The following CTDP1 variants were observed in gnomAD, a reference collection of about 807,000 sequenced individuals.
CTDP1 encodes the protein RNA polymerase II subunit A C-terminal domain phosphatase.
CTDP1 carries 47 observed loss-of-function variants against 91.8 expected under a neutral mutation model. That is an observed-to-expected ratio of 0.51 (90% CI 0.41 to 0.65). The LOEUF (loss-of-function observed/expected upper bound fraction) is 0.65, where lower values mean the gene tolerates loss of function less well. Among genes scored for constraint, CTDP1 ranks in the 30% least tolerant of loss-of-function variants. CTDP1 has a pLI of 0.00. For missense variants in CTDP1, 1,272 were observed against 1,373.7 expected (o/e 0.93, Z 1.17); for synonymous variants, 656 against 598.5 (o/e 1.10, Z -1.40).
At chr18:79,720,477 C>T (rs1437668711) in intron 10 of CTDP1, among the ~76,000 whole-genome samples, 2 of 150,496 alleles carry the variant, frequency 1.3e-5, no homozygotes. Context: ...ATTAGGAGGG[C>T]GTCCTCGTGA....
intron 1 of CTDP1, chr18:79,683,219 C>G (rs1399939936): frequency 6.6e-6 from 1 of 152,230 alleles, no homozygotes; most frequent in African/African-American, 2.4e-5. Context: ...TTATCTTGAC[C>G]ACCTCTAAAA....
downstream of CTDP1, chr18:79,754,603 G>A (rs990190607): frequency 2.6e-5 from 4 of 152,330 alleles, no homozygotes; most frequent in Non-Finnish European, 5.9e-5. Flanking sequence ...AAATTCCCAC[G>A]GACAGGACCG....
At position 79,753,856 on chromosome 18, in the gene CTDP1, A is replaced by C; in HGVS notation, c.*66A>C. Reference sequence around the variant, plus strand: ...AGCAGCACTCGGACGTCCCCGGACCAGCCCTCAGTCTCGGTCCACGCTGCT... The same window carrying C: ...AGCAGCACTCGGACGTCCCCGGACCCGCCCTCAGTCTCGGTCCACGCTGCT... On this transcript the variant is annotated 3_prime_UTR_variant, in exon 13 of 13. Transcript: ENST00000613122. 6.4e-7 allele frequency: 1 copy of C among 1,574,494 alleles called. No individual in the cohort carries two copies. The highest frequency in any genetic ancestry group is 2.3e-5 in the East Asian group (1 of 43,000).
At chr18:79,708,479 C>T (rs764444315) in intron 5 of CTDP1, among the ~76,000 whole-genome samples, 6 of 152,200 alleles carry the variant, frequency 3.9e-5, no homozygotes, top group African/African-American at 9.7e-5. Flanking sequence ...AAGTGGACCC[C>T]GTGTGCCACG....
intron 12 of CTDP1, among the ~76,000 whole-genome samples, chr18:79,751,702 C>A (rs1446094641): frequency 6.6e-6 from 1 of 151,544 alleles, no homozygotes; most frequent in Non-Finnish European, 1.5e-5. Flanking sequence ...GCTGTGTGTG[C>A]GTGCAGGTGT....
chr18:79,734,471 G>A (rs1462455302), intron 11 of CTDP1, among the ~76,000 whole-genome samples: 1 of 152,234 alleles, frequency 6.6e-6, no homozygotes, highest in Non-Finnish European at 1.5e-5. Flanking sequence ...TTCTGGCTTG[G>A]CTGTGCAAAA....
rs566365809 is a variant in CTDP1 at position 79,716,303 on chromosome 18, C to T, written c.2068+775C>T. Among the ~76,000 whole-genome samples, 10 of 152,316 alleles carry T rather than the reference C, an allele frequency of 6.6e-5. No homozygotes were observed. The South Asian group carries it at 1.4e-3, about 22-fold the overall frequency. On this transcript the variant is annotated intron_variant, in intron 8 of 12. Transcript: ENST00000613122. ...TGTGGGGTGAGCTCATCCCTGTCCACGCACGCTCCCTGACAGCAGGTGTGG... is the reference window on the plus strand; with the variant it reads ...TGTGGGGTGAGCTCATCCCTGTCCATGCACGCTCCCTGACAGCAGGTGTGG...
chr18:79,696,699 C>T (rs536768043), intron 3 of CTDP1, among the ~76,000 whole-genome samples: 5 of 152,204 alleles, frequency 3.3e-5, no homozygotes, highest in Non-Finnish European at 5.9e-5. Flanking sequence ...GTGGAGAGGA[C>T]GGGCAGGTGT....
At chr18:79,732,912 C>T (rs2086594120) in intron 11 of CTDP1, among the ~76,000 whole-genome samples, 1 of 151,992 alleles carries the variant, frequency 6.6e-6, no homozygotes, top group Non-Finnish European at 1.5e-5. Context: ...CCAAAATCAC[C>T]TGAGACATGA....
rs182855385 is a variant in CTDP1 at position 79,740,984 on chromosome 18, C to T, written c.2747+4463C>T. ...GTCTCCTGCACAGGTTGGGTGAGGT[C>T]CCCCGTGCGGTTGATCTGTCCCTGA... is the stretch of plus-strand genomic sequence containing the variant. On this transcript the variant is annotated intron_variant, in intron 12 of 12. Transcript: ENST00000613122. Among the ~76,000 whole-genome samples, 393 of 151,476 alleles carry T rather than the reference C, an allele frequency of 2.6e-3. 1 individual carries two copies. Among genetic ancestry groups the T allele is most frequent in the Non-Finnish European group, 4.8e-3 (325 of 67,776 alleles).
chr18:79,733,156 G>T (rs969392286), intron 11 of CTDP1, among the ~76,000 whole-genome samples: 5 of 152,170 alleles, frequency 3.3e-5, no homozygotes, highest in African/African-American at 9.7e-5. Flanking sequence ...GGATCCTCAC[G>T]CCACGGCCTC....
At chr18:79,750,825 T>C (rs1278563684) in intron 12 of CTDP1, among the ~76,000 whole-genome samples, 2 of 151,976 alleles carry the variant, frequency 1.3e-5, no homozygotes, top group Non-Finnish European at 2.9e-5. Context: ...ACTCCGCTTT[T>C]AAATGATGGG....
At chr18:79,680,356 C>A in intron 1 of CTDP1, 95 bp downstream of exon 1, 1 of 1,038,448 alleles carries the variant, frequency 9.6e-7, no homozygotes, top group Non-Finnish European at 1.2e-6. Context: ...TGGGCAGGGG[C>A]GCCCCTGGTG....
chr18:79,724,200 C>G (rs756057364), intron 10 of CTDP1, among the ~76,000 whole-genome samples: 3 of 152,220 alleles, frequency 2.0e-5, no homozygotes, highest in Non-Finnish European at 4.4e-5. Context: ...GTTGCAGATG[C>G]TCAGCCCGTA....
intron 4 of CTDP1, among the ~76,000 whole-genome samples, chr18:79,699,014 C>A (rs1232711179): frequency 1.3e-5 from 2 of 152,146 alleles, no homozygotes; most frequent in Non-Finnish European, 2.9e-5. Flanking sequence ...CCCCAGGTGG[C>A]ACAAACTCTC....
chr18:79,695,294 C>G lies in CTDP1; in HGVS notation c.384C>G (p.Gly128=), dbSNP rs748190220. 1.1e-5 allele frequency: 18 copies of G among 1,613,978 alleles called. No individual in the cohort carries two copies. The East Asian group carries it at 3.8e-4, about 34-fold the overall frequency. ...TGAAAGGCCTGTGTGCTGAATGTGG[C>G]CAAGACCTCACCCAGTAAGTATCCG... ...VVMKGLCAEC[G]QDLTQLQSKN... The change falls in exon 2 of 13, where the codon GGC becomes GGG. Residue 128 remains glycine, a synonymous_variant. Coordinates refer to ENST00000613122, the MANE Select transcript of CTDP1 (RefSeq NM_004715.5).
At chr18:79,745,246 A>G (rs73972726) in intron 12 of CTDP1, among the ~76,000 whole-genome samples, 6,025 of 98,386 alleles carry the variant, frequency 0.061, 307 homozygotes, top group African/African-American at 0.13. Context: ...CGTCCCTCCC[A>G]TGCGCGTTCT....
At chr18:79,748,769 G>C (rs2086931977) in intron 12 of CTDP1, among the ~76,000 whole-genome samples, 1 of 152,202 alleles carries the variant, frequency 6.6e-6, no homozygotes, top group Non-Finnish European at 1.5e-5. Context: ...GGCCTTTAGA[G>C]TCATCATTAT....
At chr18:79,689,232 A>C (rs964563091) in intron 1 of CTDP1, among the ~76,000 whole-genome samples, 1 of 152,004 alleles carries the variant, frequency 6.6e-6, no homozygotes, top group Non-Finnish European at 1.5e-5. Context: ...GCAGCTGTGC[A>C]CTCTGGTGAG....
Sources: gnomAD v4.1 joint callset for allele counts (sites outside exome capture counted in the v4.1 genomes callset) on GRCh38, gnomAD v4.1.1 for gene constraint, MANE v1.5 for transcripts, NCBI Gene and HGNC (gene_info 2026-07-23, HGNC 2026-07-21) for gene names.